The following CCSER1 variants were observed in gnomAD, a reference collection of about 807,000 sequenced individuals.
CCSER1 encodes serine-rich coiled-coil domain-containing protein 1.
CCSER1 carries 41 observed loss-of-function variants against 82.0 expected under a neutral mutation model. The observed-to-expected ratio is 0.50, with a 90% CI of 0.39 to 0.65. The LOEUF (loss-of-function observed/expected upper bound fraction) is 0.65. Ranked by LOEUF, CCSER1 falls within the 30% of genes least tolerant of loss-of-function variation. CCSER1 has a pLI of 0.00. For synonymous variants in CCSER1, 414 were observed against 383.9 expected (o/e 1.08, Z -0.92); for missense variants, 1,119 against 1,064.2 (o/e 1.05, Z -0.72).
At chr4:90,542,551 A>C (rs1257015632) in intron 5 of CCSER1, among the ~76,000 whole-genome samples, 1 of 152,118 alleles carries the variant, frequency 6.6e-6, no homozygotes, top group Non-Finnish European at 1.5e-5. Context: ...GTTATGACAA[A>C]CTGTGCTAAC....
At chr4:91,208,619 G>A (rs766801926) in intron 10 of CCSER1, among the ~76,000 whole-genome samples, 7 of 151,514 alleles carry the variant, frequency 4.6e-5, no homozygotes, top group Non-Finnish European at 5.9e-5. Flanking sequence ...ATGCTGTTTC[G>A]GTTACTGTAG....
chr4:90,848,742 C>G (rs759887109), intron 8 of CCSER1, among the ~76,000 whole-genome samples: 2 of 152,174 alleles, frequency 1.3e-5, no homozygotes, highest in African/African-American at 2.4e-5. Context: ...AAGGACAGGA[C>G]CAGGTGGAGA....
At position 91,416,939 on chromosome 4, in the gene CCSER1, T is replaced by G. The variant is rs141623980; in HGVS notation, c.2218-181633T>G. On this transcript the variant is annotated intron_variant, in intron 10 of 10. Coordinates refer to ENST00000509176, the MANE Select transcript of CCSER1 (RefSeq NM_001145065.2). ...GAAAACCTACAAAATGGGAGAAAAT[T>G]TTTGCAATCTGTCCATCTGACAAAG... is the stretch of plus-strand genomic sequence containing the variant. 3.3e-3 allele frequency among the ~76,000 whole-genome samples: 501 copies of G among 152,104 alleles called. 7 individuals carry two copies. Among genetic ancestry groups the G allele is most frequent in the East Asian group, 0.013 (65 of 5,168 alleles).
At chr4:91,174,589 T>G (rs1366787771) in intron 10 of CCSER1, among the ~76,000 whole-genome samples, 2 of 152,104 alleles carry the variant, frequency 1.3e-5, no homozygotes, top group African/African-American at 4.8e-5. Flanking sequence ...ATTAGGTATT[T>G]GGACAAACAT....
chr4:90,391,395 G>A (rs936074765), intron 3 of CCSER1, among the ~76,000 whole-genome samples: 1 of 135,100 alleles, frequency 7.4e-6, no homozygotes, highest in African/African-American at 2.8e-5. Flanking sequence ...ACACATTGTA[G>A]GCTTGTATCA....
chr4:91,136,044 C>T (rs1380705381), intron 10 of CCSER1, among the ~76,000 whole-genome samples: 1 of 152,148 alleles, frequency 6.6e-6, no homozygotes, highest in Non-Finnish European at 1.5e-5. Flanking sequence ...TGGTGTTATA[C>T]TGGTCACAGT....
At chr4:90,917,524 AG>A (rs1185062661) in intron 8 of CCSER1, among the ~76,000 whole-genome samples, 2 of 151,950 alleles carry the variant, frequency 1.3e-5, no homozygotes, top group Non-Finnish European at 2.9e-5. Flanking sequence ...GGGTAGAAGG[AG>A]GGGGGAGGGA....
intron 10 of CCSER1, among the ~76,000 whole-genome samples, chr4:91,123,288 T>C (rs1193487650): frequency 2.0e-5 from 3 of 151,776 alleles, no homozygotes; most frequent in Non-Finnish European, 4.4e-5. Flanking sequence ...CTTAGAAACA[T>C]GTTTCATTCA....
chr4:91,348,774 T>C (rs2149296621), intron 10 of CCSER1, among the ~76,000 whole-genome samples: 1 of 152,284 alleles, frequency 6.6e-6, no homozygotes, highest in African/African-American at 2.4e-5. Flanking sequence ...CCTTTTAACA[T>C]CCAGTGGTTC....
At chr4:90,940,769 T>G (rs1351658272) in intron 9 of CCSER1, among the ~76,000 whole-genome samples, 1 of 152,160 alleles carries the variant, frequency 6.6e-6, no homozygotes, top group East Asian at 1.9e-4. Context: ...AAACTTGTCG[T>G]CATCTTTCAA....
At chr4:91,559,599 A>G (rs915029498) in intron 10 of CCSER1, among the ~76,000 whole-genome samples, 2 of 151,512 alleles carry the variant, frequency 1.3e-5, no homozygotes, top group African/African-American at 4.8e-5. Flanking sequence ...TTATGAATTT[A>G]TATTTTTCAT....
chr4:90,738,328 G>C (rs980021701), intron 7 of CCSER1, among the ~76,000 whole-genome samples: 2 of 152,108 alleles, frequency 1.3e-5, no homozygotes, highest in African/African-American at 4.8e-5. Context: ...ATCTGCATTA[G>C]AGGACACCCC....
chr4:90,488,389 T>C (rs944689647), intron 5 of CCSER1, among the ~76,000 whole-genome samples: 9 of 152,100 alleles, frequency 5.9e-5, no homozygotes, highest in Non-Finnish European at 1.2e-4. Context: ...GGTTTCACCA[T>C]GTTGGCCAGG....
At chr4:90,956,583 T>C (rs1485878058) in intron 9 of CCSER1, among the ~76,000 whole-genome samples, 1 of 152,138 alleles carries the variant, frequency 6.6e-6, no homozygotes, top group Non-Finnish European at 1.5e-5. Context: ...AAAGATGCTG[T>C]ATATGAGACA....
At chr4:90,853,515 G>A (rs1009818447) in intron 8 of CCSER1, among the ~76,000 whole-genome samples, 16 of 152,170 alleles carry the variant, frequency 1.1e-4, no homozygotes, top group African/African-American at 3.1e-4. Flanking sequence ...TGATCAATAT[G>A]TTATTGATTC....
chr4:90,272,244 T>C (rs1293706049), intron 1 of CCSER1, among the ~76,000 whole-genome samples: 2 of 152,240 alleles, frequency 1.3e-5, no homozygotes, highest in East Asian at 3.9e-4. Context: ...GATTTTTAAA[T>C]GGTCAAACGG....
chr4:90,318,475 T>G (rs921473634), intron 3 of CCSER1, among the ~76,000 whole-genome samples: 1 of 152,250 alleles, frequency 6.6e-6, no homozygotes, highest in African/African-American at 2.4e-5. Context: ...TTTAGCATCC[T>G]GCTGCTTTTA....
chr4:90,191,331 T>C (rs1203541663), intron 1 of CCSER1, among the ~76,000 whole-genome samples: 1 of 151,968 alleles, frequency 6.6e-6, no homozygotes, highest in Non-Finnish European at 1.5e-5. Flanking sequence ...GTGAAGCACA[T>C]GTACTAGTTT....
intron 8 of CCSER1, among the ~76,000 whole-genome samples, chr4:90,834,760 G>T (rs958844549): frequency 6.6e-6 from 1 of 152,112 alleles, no homozygotes; most frequent in East Asian, 1.9e-4. Flanking sequence ...GTAACGGAAA[G>T]GGCGACAATA....
Sources: gnomAD v4.1 joint callset for allele counts (sites outside exome capture counted in the v4.1 genomes callset) on GRCh38, gnomAD v4.1.1 for gene constraint, MANE v1.5 for transcripts, NCBI Gene and HGNC (gene_info 2026-07-23, HGNC 2026-07-21) for gene names.